Variants in LRRC1 observed in about 807,000 individuals in gnomAD.
The protein encoded by LRRC1 is leucine rich repeat containing 1.
LRRC1 carries 28 observed loss-of-function variants against 69.9 expected under a neutral mutation model. The observed-to-expected ratio is 0.40, with a 90% CI of 0.30 to 0.55. LRRC1 has a LOEUF of 0.55. Ranked by LOEUF, LRRC1 falls within the 20% of genes least tolerant of loss-of-function variation. LRRC1 has a pLI of 0.47. For synonymous variants in LRRC1, 236 were observed against 240.2 expected (o/e 0.98, Z 0.16); for missense variants, 498 against 609.0 (o/e 0.82, Z 1.92).
intron 1 of LRRC1, among the ~76,000 whole-genome samples, chr6:53,799,147 A>G (rs1455688353): frequency 6.6e-6 from 1 of 152,108 alleles, no homozygotes; most frequent in African/African-American, 2.4e-5. Flanking sequence ...TCACCTTGCC[A>G]CCTCCTCTTA....
chr6:53,821,234 CA>C (rs1041682286), intron 1 of LRRC1, among the ~76,000 whole-genome samples: 5 of 152,172 alleles, frequency 3.3e-5, no homozygotes, highest in Non-Finnish European at 7.4e-5. Context: ...GGATCTTGAG[CA>C]ACTTGCCTTG....
chr6:53,883,898 G>A (rs1001871353), intron 4 of LRRC1: 1 of 717,378 alleles, frequency 1.4e-6, no homozygotes, highest in African/African-American at 1.7e-5. Context: ...CTTTCCAGAG[G>A]TTTATAAGAA....
At position 53,906,494 on chromosome 6, in the gene LRRC1, C is replaced by A. The variant is rs562400910; in HGVS notation, c.990+2032C>A. The stretch of plus-strand genomic sequence containing the variant: ...ACCACCCATCCCCAGCTTCCCTGAT[C>A]CCCTGACTCTCTTTCACAAGATTAT... On this transcript the variant is annotated intron_variant, in intron 10 of 13. Coordinates refer to ENST00000370888, the MANE Select transcript of LRRC1 (RefSeq NM_018214.5). Among the ~76,000 whole-genome samples the A allele has an allele frequency of 6.9e-4, 105 of 152,332 alleles. 1 individual carries two copies. The highest frequency in any genetic ancestry group is 1.2e-3 in the Admixed American group (18 of 15,302).
Position 53,922,960 on chromosome 6 carries a change from G to T in LRRC1, c.*167G>T. The T allele has an allele frequency of 1.7e-6, 1 of 587,424 alleles. No homozygotes were observed. The highest frequency in any genetic ancestry group is 2.7e-5 in the East Asian group (1 of 37,474). The allele number at this position is 587,424 out of a possible 1,614,324, so 36.4% of individuals were successfully genotyped here. A position where few individuals can be genotyped will look rare whatever the true frequency, so the allele number is the denominator to read the frequency against. On this transcript the variant is annotated 3_prime_UTR_variant, in exon 14 of 14. Transcript: ENST00000370888. Reference sequence around the variant, plus strand: ...TCCCAGGAAGTGCCTTACTCATCCCGCAACCAGTCAGCGCACCAGTGGTCT... The same window carrying T: ...TCCCAGGAAGTGCCTTACTCATCCCTCAACCAGTCAGCGCACCAGTGGTCT...
intron 2 of LRRC1, among the ~76,000 whole-genome samples, chr6:53,872,387 G>C (rs141614087): frequency 6.6e-6 from 1 of 152,164 alleles, no homozygotes; most frequent in Non-Finnish European, 1.5e-5. Flanking sequence ...AACCCAATTT[G>C]TAGTGAGTGG....
At chr6:53,881,325 T>C (rs1340362565) in intron 3 of LRRC1, among the ~76,000 whole-genome samples, 2 of 152,186 alleles carry the variant, frequency 1.3e-5, no homozygotes, top group Non-Finnish European at 1.5e-5. Flanking sequence ...TAACCTTGGG[T>C]CTGTACTTCC....
In LRRC1 at chr6:53,823,868, C is replaced by T. The variant is rs568648947; in HGVS notation, c.160-18242C>T. ...AGTATTCCATGCTGTATATATACCACATTTTCTTTATCCAGTCTACCATTG... is the reference window on the plus strand; with the variant it reads ...AGTATTCCATGCTGTATATATACCATATTTTCTTTATCCAGTCTACCATTG... On this transcript the variant is annotated intron_variant, in intron 1 of 13. Coordinates refer to ENST00000370888, the MANE Select transcript of LRRC1 (RefSeq NM_018214.5). Among the ~76,000 whole-genome samples, 7 of 152,308 alleles carry T rather than the reference C, an allele frequency of 4.6e-5. No individual in the cohort carries two copies. In the South Asian group the frequency reaches 1.4e-3, roughly 32 times the overall value.
chr6:53,878,927 A>G, intron 2 of LRRC1, 66 bp from the exon 3 acceptor site: 1 of 895,124 alleles, frequency 1.1e-6, no homozygotes, highest in Non-Finnish European at 1.8e-6. Flanking sequence ...AGTGTGATCC[A>G]TCTTGAGAGT....
At chr6:53,872,282 A>G (rs1766912703) in intron 2 of LRRC1, among the ~76,000 whole-genome samples, 1 of 151,986 alleles carries the variant, frequency 6.6e-6, no homozygotes, top group Non-Finnish European at 1.5e-5. Flanking sequence ...TTATTTCCGT[A>G]GGTTTTTGGG....
chr6:53,808,936 C>G (rs1051580019), intron 1 of LRRC1, among the ~76,000 whole-genome samples: 10 of 152,308 alleles, frequency 6.6e-5, no homozygotes, highest in African/African-American at 9.6e-5. Flanking sequence ...TGAGCTGATT[C>G]AAACATAATC....
At chr6:53,876,501 C>T (rs1767074148) in intron 2 of LRRC1, among the ~76,000 whole-genome samples, 1 of 152,198 alleles carries the variant, frequency 6.6e-6, no homozygotes, top group African/African-American at 2.4e-5. Context: ...CAAATCTTAT[C>T]CAAGACAAGG....
chr6:53,876,219 TATA>T (rs1169062643), intron 2 of LRRC1, among the ~76,000 whole-genome samples: 1 of 152,228 alleles, frequency 6.6e-6, no homozygotes, highest in South Asian at 2.1e-4. Flanking sequence ...AACTCCCCCT[TATA>T]ATAACTATCA....
intron 7 of LRRC1, among the ~76,000 whole-genome samples, chr6:53,899,110 G>C (rs1767964324): frequency 6.6e-6 from 1 of 152,188 alleles, no homozygotes; most frequent in African/African-American, 2.4e-5. Context: ...AAGAGAGAAA[G>C]CTTGCACTTT....
intron 11 of LRRC1, among the ~76,000 whole-genome samples, chr6:53,917,115 T>C (rs1768590294): frequency 6.6e-6 from 1 of 152,222 alleles, no homozygotes; most frequent in South Asian, 2.1e-4. Context: ...AGCAGGAATG[T>C]ATTTCTCATC....
chr6:53,798,909 C>CA (rs1335805751), intron 1 of LRRC1, among the ~76,000 whole-genome samples: 2 of 152,206 alleles, frequency 1.3e-5, no homozygotes, highest in Non-Finnish European at 2.9e-5. Context: ...CATAGGGTGA[C>CA]ACTGTTTTGT....
At chr6:53,904,970 G>A (rs893500148) in intron 10 of LRRC1, 1 of 152,468 alleles carries the variant, frequency 6.6e-6, no homozygotes, top group Non-Finnish European at 1.5e-5. Flanking sequence ...GAAGGTGAAT[G>A]GGAAGCTAAA....
chr6:53,795,352 C>T lies in LRRC1; in HGVS notation c.96C>T (p.Tyr32=), dbSNP rs1412688993. 5 of 1,613,698 alleles carry T rather than the reference C, an allele frequency of 3.1e-6. No homozygotes were observed. The highest frequency in any genetic ancestry group is 1.3e-5 in the African/African-American group (1 of 74,920). ...TGGTCTACGTCCCCGAGGAGATCTA[C>T]CGCTATGCCCGGAGCCTGGAGGAGC... ...CSLVYVPEEI[Y]RYARSLEELL... is the part of the protein sequence containing the mutation. Residue 32 remains tyrosine, a synonymous_variant, in exon 1 of 14, where the codon TAC becomes TAT. Transcript: ENST00000370888.
intron 4 of LRRC1, chr6:53,884,093 G>A (rs1767389889): frequency 1.4e-6 from 1 of 698,654 alleles, no homozygotes; most frequent in East Asian, 2.7e-5. Context: ...AAGACAGGAA[G>A]CCCTCAATAC....
At chr6:53,889,442 T>C (rs921865829) in intron 4 of LRRC1, among the ~76,000 whole-genome samples, 4 of 152,154 alleles carry the variant, frequency 2.6e-5, no homozygotes, top group African/African-American at 9.7e-5. Flanking sequence ...GAAATTTTCA[T>C]CAGTGGGTAA....
Sources: gnomAD v4.1 joint callset for allele counts (sites outside exome capture counted in the v4.1 genomes callset) on GRCh38, gnomAD v4.1.1 for gene constraint, MANE v1.5 for transcripts, NCBI Gene and HGNC (gene_info 2026-07-23, HGNC 2026-07-21) for gene names.